ZFP62: variants seen among roughly 807,000 people sequenced by gnomAD.
ZFP62 encodes the protein ZFP62 zinc finger protein, also known as zinc finger protein 62 homolog.
A neutral mutation model predicts 56.4 loss-of-function variants in ZFP62; 44 were observed. The observed-to-expected ratio is 0.78, with a 90% CI of 0.61 to 1.00. ZFP62 has a LOEUF of 1.00. Ranked by LOEUF, ZFP62 falls within the 50% of genes least tolerant of loss-of-function variation. The pLI is 0.00. For missense variants in ZFP62, 1,030 were observed against 1,085.7 expected (o/e 0.95, Z 0.72); for synonymous variants, 421 against 388.9 (o/e 1.08, Z -0.97).
chr5:180,829,675 T>C, the ZFP62 span, among the ~76,000 whole-genome samples: 1 of 152,244 alleles, frequency 6.6e-6, no homozygotes, highest in Non-Finnish European at 1.5e-5. Context: ...AAAAAGAAAC[T>C]TTGAAGACCA....
At chr5:180,831,273 G>C in the ZFP62 span, 1 of 152,594 alleles carries the variant, frequency 6.6e-6, no homozygotes, top group Non-Finnish European at 1.5e-5. Context: ...AGCGGCCCCA[G>C]GGCCTCTGAG....
chr5:180,848,493 CTGTG>C lies in ZFP62; in HGVS notation c.*295_*298del, dbSNP rs1251082013. 2 of 1,101,372 alleles carry C rather than the reference CTGTG, an allele frequency of 1.8e-6. No individual in the cohort carries two copies. Among genetic ancestry groups the C allele is most frequent in the African/African-American group, 1.6e-5 (1 of 61,270 alleles). The allele number at this position is 1,101,372 out of a possible 1,614,324, so 68.2% of individuals were successfully genotyped here. ...CTTCTAATTGAAGCCCTTTCCTCAT[CTGTG>C]TTTTATGTCCAGAAATGTCTACTGA... On this transcript the variant is annotated 3_prime_UTR_variant, in exon 2 of 2. Transcript: ENST00000502412.
At chr5:180,837,554 C>A in the ZFP62 span, among the ~76,000 whole-genome samples, 1 of 152,108 alleles carries the variant, frequency 6.6e-6, no homozygotes, top group African/African-American at 2.4e-5. Context: ...GCTCCTAATC[C>A]CTGAGTTAAC....
At chr5:180,829,731 AGT>A in the ZFP62 span, among the ~76,000 whole-genome samples, 1 of 152,208 alleles carries the variant, frequency 6.6e-6, no homozygotes, top group South Asian at 2.1e-4. Flanking sequence ...GAAGCTCATC[AGT>A]GACGTGACTT....
At chr5:180,861,185 G>A (rs1157527744) in intron 1 of ZFP62, 34 bp downstream of exon 1, 1 of 398,446 alleles carries the variant, frequency 2.5e-6, no homozygotes, top group Non-Finnish European at 4.4e-6. Context: ...CAAGGGCCGG[G>A]GGCGGGAGCG....
intron 1 of ZFP62, among the ~76,000 whole-genome samples, chr5:180,860,860 G>T (rs1438114696): frequency 6.6e-6 from 1 of 152,062 alleles, no homozygotes; most frequent in African/African-American, 2.4e-5. Context: ...TAATTTTTAG[G>T]GATCCCCTCC....
At chr5:180,853,154 C>T (rs916312618) in intron 1 of ZFP62, among the ~76,000 whole-genome samples, 7 of 152,196 alleles carry the variant, frequency 4.6e-5, no homozygotes, top group Admixed American at 4.6e-4. Flanking sequence ...TTAATTGTAA[C>T]TGCAAAATCT....
At chr5:180,829,671 A>G in the ZFP62 span, among the ~76,000 whole-genome samples, 3 of 152,244 alleles carry the variant, frequency 2.0e-5, no homozygotes, top group Non-Finnish European at 4.4e-5. Context: ...TTTAAAAAAG[A>G]AACTTTGAAG....
chr5:180,859,220 AC>A (rs1774171941), intron 1 of ZFP62, among the ~76,000 whole-genome samples: 1 of 152,154 alleles, frequency 6.6e-6, no homozygotes, highest in Non-Finnish European at 1.5e-5. Context: ...AAGACAATCT[AC>A]CACCTCAAGG....
intron 1 of ZFP62, among the ~76,000 whole-genome samples, chr5:180,854,057 G>C (rs1041867150): frequency 6.6e-6 from 1 of 152,100 alleles, no homozygotes; most frequent in Non-Finnish European, 1.5e-5. Context: ...TTTGCTGAAA[G>C]CCCAAAAAAC....
chr5:180,835,338 C>CT, the ZFP62 span: 2 of 152,224 alleles, frequency 1.3e-5, no homozygotes, highest in Non-Finnish European at 2.9e-5. Context: ...CCTTTGGACT[C>CT]TGACACTTGC....
At chr5:180,861,121 C>T in intron 1 of ZFP62, 98 bp downstream of exon 1, 1 of 398,768 alleles carries the variant, frequency 2.5e-6, no homozygotes, top group East Asian at 3.6e-5. Flanking sequence ...CCACATCCCG[C>T]CCGAGACCCG....
At chr5:180,852,228 A>C (rs908842371) in intron 1 of ZFP62, among the ~76,000 whole-genome samples, 7 of 152,190 alleles carry the variant, frequency 4.6e-5, no homozygotes, top group Non-Finnish European at 2.9e-5. Context: ...TGGTCCTTTT[A>C]ATAGTGTTGT....
At chr5:180,829,578 G>A in the ZFP62 span, among the ~76,000 whole-genome samples, 1 of 152,232 alleles carries the variant, frequency 6.6e-6, no homozygotes, top group African/African-American at 2.4e-5. Context: ...AATATTGGGG[G>A]TGGGTTCCCC....
chr5:180,830,333 G>A, the ZFP62 span: 1 of 152,268 alleles, frequency 6.6e-6, no homozygotes, highest in African/African-American at 2.4e-5. Flanking sequence ...TGCGAGCACA[G>A]TGCCTCCTCC....
At chr5:180,828,715 GAAT>G in the ZFP62 span, among the ~76,000 whole-genome samples, 1 of 152,242 alleles carries the variant, frequency 6.6e-6, no homozygotes, top group Admixed American at 6.5e-5. Context: ...AAAAAGAACA[GAAT>G]AACAGCAATT....
At chr5:180,858,982 C>G (rs573809782) in intron 1 of ZFP62, among the ~76,000 whole-genome samples, 1 of 152,334 alleles carries the variant, frequency 6.6e-6, no homozygotes, top group African/African-American at 2.4e-5. Flanking sequence ...TTCCGAGCTT[C>G]TTGTTCATGC....
Position 180,849,108 on chromosome 5 carries a change from G to A in ZFP62, c.2387C>T (p.Ser796Leu), listed in dbSNP as rs577495708. The change falls in exon 2 of 2, where the codon TCA (serine) becomes TTA (leucine). Residue 796 changes from serine (S) to leucine (L), a missense_variant. Ser to Leu is a moderately radical substitution (Grantham distance 145). Transcript: ENST00000502412. ...TTTATGATTGATAAGACTTGAGTGT[G>A]AGATGTATGCCTTCCCACACTCATC... ...ECDECGKAYISHSSLINHKSV... is the reference protein window; with the variant it reads ...ECDECGKAYILHSSLINHKSV... 6 of 1,556,274 alleles carry A rather than the reference G, an allele frequency of 3.9e-6. No homozygotes were observed. The South Asian group carries it at 5.9e-5, about 15-fold the overall frequency.
rs1042604608 is a variant in ZFP62, at chr5:180,851,443, C to T, written c.52G>A (p.Glu18Lys). The part of the protein sequence containing the change: ...TEDEEPTEEY[E>K]NVGNAASKWP... ...TTAGATGCTGCATTTCCAACATTTT[C>T]ATATTCTTCAGTTGGTTCCTCATCC... is the stretch of plus-strand genomic sequence containing the variant. Residue 18 changes from glutamate to lysine, a missense_variant, in exon 2 of 2, where the codon GAA (glutamate) becomes AAA (lysine). By Grantham distance (56) the Glu-to-Lys change is moderately conservative. Coordinates refer to ENST00000502412, the MANE Select transcript of ZFP62 (RefSeq NM_001172638.2). The T allele has an allele frequency of 1.5e-5, 23 of 1,551,294 alleles. No homozygotes were observed. In the African/African-American group the frequency reaches 2.1e-4, roughly 14 times the overall value.
Sources: allele counts gnomAD v4.1 joint callset (sites outside exome capture counted in the v4.1 genomes callset), GRCh38; gene constraint gnomAD v4.1.1; transcripts MANE v1.5; gene names NCBI Gene and HGNC (gene_info 2026-07-23, HGNC 2026-07-21).